VAT1: variants seen among roughly 807,000 people sequenced by gnomAD.
VAT1 encodes the protein vesicle amine transport 1.
Under a neutral mutation model 33.3 loss-of-function variants are expected in VAT1, and 24 were observed. The observed-to-expected ratio is 0.72, with a 90% CI of 0.52 to 1.01. The LOEUF is 1.01. Among genes scored for constraint, VAT1 ranks in the 50% least tolerant of loss-of-function variants. VAT1 has a pLI of 0.00. For synonymous variants in VAT1, 212 were observed against 225.0 expected (o/e 0.94, Z 0.52); for missense variants, 436 against 533.7 (o/e 0.82, Z 1.80).
Position 43,017,837 on chromosome 17 carries a change from T to A in VAT1, c.856+4A>T. 1.2e-6 allele frequency: 2 copies of A among 1,613,702 alleles called. No individual in the cohort carries two copies. Among genetic ancestry groups the A allele is most frequent in the Admixed American group, 1.7e-5 (1 of 60,000 alleles). On this transcript the variant is annotated splice_donor_region_variant and intron_variant, in intron 4 of 5. Coordinates refer to ENST00000355653, the MANE Select transcript of VAT1 (RefSeq NM_006373.4). The stretch of plus-strand genomic sequence containing the variant: ...CTCTCTCCATCCCTGGCCCACTAAC[T>A]CACCATAGGTGACGACTTTGCCCAT...
rs199772309 is a variant in VAT1, at chr17:43,018,248, T to C, written c.596-42A>G. ...ATAAGCAGGGGATATGGAGTTGCCC[T>C]GGCCACCAACCACTCCATTCTAGCC... On this transcript the variant is annotated intron_variant, in intron 2 of 5. Coordinates refer to ENST00000355653, the MANE Select transcript of VAT1 (RefSeq NM_006373.4). The C allele has an allele frequency of 3.4e-4, 542 of 1,580,828 alleles. 1 individual carries two copies. The highest frequency in any genetic ancestry group is 1.5e-5 in the Non-Finnish European group (17 of 1,159,394).
chr17:43,016,238 A>G lies in VAT1; in HGVS notation c.1098+69T>C, dbSNP rs758833033. 3.1e-6 allele frequency: 5 copies of G among 1,608,790 alleles called. No homozygotes were observed. In the African/African-American group the frequency reaches 6.7e-5, roughly 21 times the overall value. ...CAGGCAGCCCTCCTCTTCCCCAGGA[A>G]TCTGCCCCTTGGGACCCCAGCCTTC... On this transcript the variant is annotated intron_variant, in intron 5 of 5. Transcript: ENST00000355653.
chr17:43,017,827 G>A lies in VAT1; in HGVS notation c.856+14C>T, dbSNP rs1383255321. 4.3e-6 allele frequency: 7 copies of A among 1,613,272 alleles called. No individual in the cohort carries two copies. Among genetic ancestry groups the A allele is most frequent in the South Asian group, 1.1e-5 (1 of 91,056 alleles). On this transcript the variant is annotated intron_variant, in intron 4 of 5. Transcript: ENST00000355653. ...CCCTCACATGCTCTCTCCATCCCTG[G>A]CCCACTAACTCACCATAGGTGACGA...
intron 1 of VAT1, 66 bp from the exon 2 acceptor site, chr17:43,018,865 C>T: frequency 6.3e-7 from 1 of 1,576,346 alleles, no homozygotes. Flanking sequence ...TACTGATTTC[C>T]CCCTAGGTAC....
rs2050536256 is a variant in VAT1 at position 43,018,119 on chromosome 17, G to A, written c.683C>T (p.Ala228Val). 1 of 1,614,078 alleles carries A rather than the reference G, an allele frequency of 6.2e-7. No individual in the cohort carries two copies. The highest frequency in any genetic ancestry group is 8.5e-7 in the Non-Finnish European group (1 of 1,180,036). Residue 228 changes from alanine to valine, a missense_variant, in exon 3 of 6, where the codon GCA becomes GTA. This residue lies in a region of VAT1 where 282 missense variants were observed against 405.4 expected (regional missense o/e 0.70). Transcript: ENST00000355653. ...ATGTGTGACCCCATTCTCCTTCAGT[G>A]CCTCGTGCTTGCTGGCCGAGGCCGT... ...FGTASASKHEALKENGVTHPI... is the reference protein window; with the variant it reads ...FGTASASKHEVLKENGVTHPI...
At position 43,020,310 on chromosome 17, in the gene VAT1, G is replaced by A. The variant is rs769109278; in HGVS notation, c.388-1511C>T. On this transcript the variant is annotated intron_variant, in intron 1 of 5. Transcript: ENST00000355653. ...ACAGGATATCCTGTATTTACCAGGC[G>A]GAAAGTGTATGGAGGGGAGGTGAGG... 2.4e-5 allele frequency: 24 copies of A among 985,292 alleles called. No homozygotes were observed. In the Admixed American group the frequency reaches 6.8e-4, roughly 28 times the overall value. The allele number at this position is 985,292 out of a possible 1,614,324, so 61.0% of individuals were successfully genotyped here. A position where few individuals can be genotyped will look rare whatever the true frequency, so the allele number is the denominator to read the frequency against.
chr17:43,022,243 C>A lies in VAT1; in HGVS notation c.80G>T (p.Ser27Ile), dbSNP rs1289424308. 1 of 1,577,882 alleles carries A rather than the reference C, an allele frequency of 6.3e-7. No homozygotes were observed. Among genetic ancestry groups the A allele is most frequent in the Admixed American group, 1.7e-5 (1 of 57,750 alleles). Residue 27 changes from serine (S) to isoleucine (I), a missense_variant, in exon 1 of 6, where the codon AGC becomes ATC. This residue lies in a region of VAT1 where 154 missense variants were observed against 128.3 expected (regional missense o/e 1.20). Coordinates refer to ENST00000355653, the MANE Select transcript of VAT1 (RefSeq NM_006373.4). ...GGAGGCCGCGGGATGCTGGGGGTCG[C>A]TCGCTGCCTCGGTTTTCGGAGGCGG... ...SSPPPKTEAASDPQHPAASEG... is the reference protein window; with the variant it reads ...SSPPPKTEAAIDPQHPAASEG...
In VAT1 at chr17:43,022,296, C is replaced by G; in HGVS notation, c.27G>C (p.Glu9Asp). Residue 9 changes from glutamate to aspartate, a missense_variant, in exon 1 of 6, where the codon GAG becomes GAC. Glu to Asp is a conservative substitution (Grantham distance 45). Transcript: ENST00000355653. MSDEREVA[E>D]AATGEDASSP... ...AAGAGGCGTCTTCCCCGGTCGCTGC[C>G]TCGGCTACCTCTCTCTCGTCGGACA... The G allele has an allele frequency of 1.3e-6, 2 of 1,584,906 alleles. No homozygotes were observed. Among genetic ancestry groups the G allele is most frequent in the Non-Finnish European group, 1.7e-6 (2 of 1,168,040 alleles).
At position 43,022,312 on chromosome 17, in the gene VAT1, T is replaced by C. The variant is rs2050577872; in HGVS notation, c.11A>G (p.Glu4Gly). The change falls in exon 1 of 6, where the codon GAG becomes GGG. Residue 4 changes from glutamate (E) to glycine (G), a missense_variant. Around this residue, in one of 2 missense-constraint regions of VAT1, gnomAD observed 154 missense variants for 128.3 expected, o/e 1.20. Transcript: ENST00000355653. ...GGTCGCTGCCTCGGCTACCTCTCTC[T>C]CGTCGGACATGGCTGGGACTCCCGA... MSD[E>G]REVAEAATGE... The C allele has an allele frequency of 6.3e-7, 1 of 1,581,064 alleles. No homozygotes were observed. The highest frequency in any genetic ancestry group is 1.7e-5 in the Admixed American group (1 of 58,750).
intron 1 of VAT1, 30 bp downstream of exon 1, chr17:43,021,906 G>A (rs774035925): frequency 6.2e-7 from 1 of 1,608,214 alleles, no homozygotes; most frequent in Non-Finnish European, 8.5e-7. Flanking sequence ...GGCCTGCGCA[G>A]CCCTGCCCTG....
Position 43,022,314 on chromosome 17 carries a change from G to C in VAT1, c.9C>G (p.Asp3Glu), listed in dbSNP as rs777079941. The C allele has an allele frequency of 6.3e-7, 1 of 1,579,956 alleles. No individual in the cohort carries two copies. Among genetic ancestry groups the C allele is most frequent in the Non-Finnish European group, 8.6e-7 (1 of 1,165,758 alleles). MS[D>E]EREVAEAATG... ...TCGCTGCCTCGGCTACCTCTCTCTC[G>C]TCGGACATGGCTGGGACTCCCGACG... The change falls in exon 1 of 6, where the codon GAC (aspartate) becomes GAG (glutamate). Residue 3 changes from aspartate to glutamate, a missense_variant. Asp to Glu is a conservative substitution (Grantham distance 45). Transcript: ENST00000355653.
At chr17:43,018,558 G>C in intron 2 of VAT1, 34 bp downstream of exon 2, 1 of 1,607,884 alleles carries the variant, frequency 6.2e-7, no homozygotes, top group Non-Finnish European at 8.5e-7. Flanking sequence ...AATCTGGGTG[G>C]GGTAAGGGGT....
intron 4 of VAT1, 87 bp downstream of exon 4, chr17:43,017,754 T>C (rs1326673489): frequency 2.4e-6 from 3 of 1,276,414 alleles, no homozygotes; most frequent in Non-Finnish European, 3.4e-6. Flanking sequence ...CCCTTCTTCA[T>C]TCAAAAGCCC....
intron 1 of VAT1, chr17:43,019,450 A>G (rs1386893199): frequency 6.6e-6 from 1 of 152,488 alleles, no homozygotes; most frequent in Non-Finnish European, 1.5e-5. Context: ...GGTCAGGGCC[A>G]TACCAAAGTG....
chr17:43,016,231 CCCAGGAA>C (rs1597783114), intron 5 of VAT1, 69 bp downstream of exon 5: 1 of 1,609,384 alleles, frequency 6.2e-7, no homozygotes, highest in Non-Finnish European at 8.5e-7. Flanking sequence ...CCTCCTCTTC[CCCAGGAA>C]TCTGCCCCTT....
intron 1 of VAT1, chr17:43,020,317 G>A (rs897169121): frequency 1.0e-6 from 1 of 985,412 alleles, no homozygotes; most frequent in Non-Finnish European, 1.2e-6. Context: ...GGCGGAAAGT[G>A]TATGGAGGGG....
At chr17:43,020,204 C>T in intron 1 of VAT1, 1 of 985,404 alleles carries the variant, frequency 1.0e-6, no homozygotes, top group Non-Finnish European at 1.2e-6. Flanking sequence ...CCAACCCAGA[C>T]ACCAGGAAGG....
rs1418333568 is a variant in VAT1, at chr17:43,018,680, C to A, written c.507G>T (p.Leu169Phe). 2 of 1,614,118 alleles carry A rather than the reference C, an allele frequency of 1.2e-6. No homozygotes were observed. The highest frequency in any genetic ancestry group is 8.5e-7 in the Non-Finnish European group (1 of 1,180,024). ...TGTAGGCTGTAATGTAATTGACGAG[C>A]AAGGCAGCAGCTTCCTCAAAGGTCA... ...EAMTFEEAAA[L>F]LVNYITAYMV... is the part of the protein sequence containing the mutation. The change falls in exon 2 of 6, where the codon TTG becomes TTT. Residue 169 changes from leucine (L) to phenylalanine (F), a missense_variant. Coordinates refer to ENST00000355653, the MANE Select transcript of VAT1 (RefSeq NM_006373.4).
At position 43,015,608 on chromosome 17, in the gene VAT1, C is replaced by T. The variant is rs753183808; in HGVS notation, c.*453G>A. The T allele has an allele frequency of 2.1e-5, 4 of 190,828 alleles. No individual in the cohort carries two copies. Among genetic ancestry groups the T allele is most frequent in the Non-Finnish European group, 4.4e-5 (4 of 90,964 alleles). The allele number at this position is 190,828 out of a possible 1,614,324, so 11.8% of individuals were successfully genotyped here. A position where few individuals can be genotyped will look rare whatever the true frequency, so the allele number is the denominator to read the frequency against. ...CTGGTCAGCCCAGGCTGAAGGGACA[C>T]TAGGGAGAGACAGGTACATGCTGGA... On this transcript the variant is annotated 3_prime_UTR_variant, in exon 6 of 6. Coordinates refer to ENST00000355653, the MANE Select transcript of VAT1 (RefSeq NM_006373.4).
Sources: gnomAD v4.1 joint callset for allele counts on GRCh38, gnomAD v4.1.1 for gene constraint, gnomAD v4.1.1 regional missense constraint, MANE v1.5 for transcripts, NCBI Gene and HGNC (gene_info 2026-07-23, HGNC 2026-07-21) for gene names.